Variants in HYAL1 observed in about 807,000 individuals in gnomAD.
HYAL1 encodes the protein hyaluronidase-1.
A neutral mutation model predicts 28.8 loss-of-function variants in HYAL1; 21 were observed. That is an observed-to-expected ratio of 0.73 (90% CI 0.52 to 1.05). The LOEUF (loss-of-function observed/expected upper bound fraction) is 1.05, where lower values mean the gene tolerates loss of function less well. Among genes scored for constraint, HYAL1 ranks in the 50% least tolerant of loss-of-function variants. HYAL1 has a pLI of 0.00. For missense variants in HYAL1, 491 were observed against 579.2 expected, an observed-to-expected ratio of 0.85 and a Z score of 1.56; for synonymous variants, 200 against 230.1, an observed-to-expected ratio of 0.87 and a Z score of 1.18.
upstream of HYAL1, among the ~76,000 whole-genome samples, chr3:50,307,015 A>C (rs1272668466): frequency 6.7e-6 from 1 of 150,326 alleles, no homozygotes; most frequent in Non-Finnish European, 1.5e-5. Flanking sequence ...GGTTGCAGTG[A>C]GCTGAGATTG....
upstream of HYAL1, among the ~76,000 whole-genome samples, chr3:50,306,074 T>C (rs1702329695): frequency 6.6e-6 from 1 of 151,356 alleles, no homozygotes. Flanking sequence ...TTTTGACTAA[T>C]TGCCTATCTG....
Position 50,302,679 on chromosome 3 carries a change from A to C in HYAL1, c.278T>G (p.Phe93Cys). The C allele has an allele frequency of 6.2e-7, 1 of 1,614,090 alleles. No homozygotes were observed. Among genetic ancestry groups the C allele is most frequent in the Non-Finnish European group, 8.5e-7 (1 of 1,180,010 alleles). ...GCTGGCATTCTGGGGCAGACCACCAAACACAGGCTCCCCAGTGGGCGTGTA... is the reference window on the plus strand; with the variant it reads ...GCTGGCATTCTGGGGCAGACCACCACACACAGGCTCCCCAGTGGGCGTGTA... The part of the protein sequence containing the change: ...PYYTPTGEPV[F>C]GGLPQNASLI... The change falls in exon 2 of 4, where the codon TTT (phenylalanine) becomes TGT (cysteine). Residue 93 changes from phenylalanine to cysteine, a missense_variant. Transcript: ENST00000395144. This position sits in a 1 kb window ranked among gnomAD's most constrained non-coding sequence, Gnocchi z 5.0.
At chr3:50,303,328 AG>A (rs1178224316) in intron 1 of HYAL1, 137 bp downstream of exon 1, 12 of 183,678 alleles carry the variant, frequency 6.5e-5, no homozygotes, top group Admixed American at 1.7e-4. Context: ...GACCCGACCA[AG>A]GGGGGGAGGC....
Position 50,302,083 on chromosome 3 carries a change from CAT to C in HYAL1, c.872_873del (p.Tyr291Ter), listed in dbSNP as rs1702183705. 1.2e-6 allele frequency: 2 copies of C among 1,614,204 alleles called. No individual in the cohort carries two copies. The highest frequency in any genetic ancestry group is 8.5e-7 in the Non-Finnish European group (1 of 1,180,046). On this transcript the variant is annotated frameshift_variant, in exon 2 of 4. Transcript: ENST00000395144. LOFTEE classifies it high-confidence loss of function. The surrounding 1 kb of genome is among the most constrained non-coding windows in gnomAD (Gnocchi z 5.0). ...AGGGGCAGAAAGTGGTTTGTCGTGT[CAT>C]AGAAGATCTGGACATAGGGCAGCAC... ...LPVLPYVQIF[Y>X]DTTNHFLPLD...
upstream of HYAL1, among the ~76,000 whole-genome samples, chr3:50,306,669 C>T (rs1192735679): frequency 6.6e-6 from 1 of 150,976 alleles, no homozygotes; most frequent in African/African-American, 2.5e-5. Context: ...GGCGGGTCAC[C>T]TGAGGTCGGG....
upstream of HYAL1, among the ~76,000 whole-genome samples, chr3:50,307,995 C>T (rs1484461379): frequency 4.6e-5 from 7 of 150,806 alleles, no homozygotes; most frequent in Non-Finnish European, 7.4e-5. Flanking sequence ...CAGGGTTTCA[C>T]CATGTTAGCC....
At position 50,300,372 on chromosome 3, in the gene HYAL1, G is replaced by T. The variant is rs1702070370; in HGVS notation, c.*111C>A. On this transcript the variant is annotated 3_prime_UTR_variant, in exon 4 of 4. Transcript: ENST00000395144. ...AATATGCCTGTGACAGTGGCTGAGT[G>T]TACTCTTTACTGTGACCATGACTTG... 4 of 1,072,482 alleles carry T rather than the reference G, an allele frequency of 3.7e-6. No individual in the cohort carries two copies. The highest frequency in any genetic ancestry group is 5.7e-6 in the Non-Finnish European group (4 of 695,796). 66.4% of individuals were successfully genotyped at this position (1,072,482 alleles called of 1,614,324 possible). A position where few individuals can be genotyped will look rare whatever the true frequency, so the allele number is the denominator to read the frequency against.
At chr3:50,309,193 G>A (rs191135242) in intron 2 of HYAL1, among the ~76,000 whole-genome samples, 1 of 151,214 alleles carries the variant, frequency 6.6e-6, no homozygotes, top group East Asian at 1.9e-4. Context: ...GCCTGGCATG[G>A]TGGCTCACTC....
Position 50,302,163 on chromosome 3 carries a change from C to T in HYAL1, c.794G>A (p.Arg265His), listed in dbSNP as rs782525991. The T allele has an allele frequency of 9.9e-6, 16 of 1,614,198 alleles. No individual in the cohort carries two copies. The highest frequency in any genetic ancestry group is 2.2e-5 in the East Asian group (1 of 44,880). ...TGKSQMYVQH[R>H]VAEAFRVAVA... ...AGCCACACGGAATGCCTCGGCCACA[C>T]GGTGTTGCACATACATCTGTGACTT... Residue 265 changes from arginine (R) to histidine (H), a missense_variant, in exon 2 of 4, where the codon CGT (arginine) becomes CAT (histidine). Physicochemically the swap from Arg to His is conservative, Grantham distance 29 (BLOSUM62 0). Transcript: ENST00000395144. This position sits in a 1 kb window ranked among gnomAD's most constrained non-coding sequence, Gnocchi z 5.0.
intron 2 of HYAL1, 77 bp from the exon 3 acceptor site, chr3:50,301,154 A>G (rs1702140944): frequency 2.1e-6 from 2 of 970,014 alleles, no homozygotes; most frequent in East Asian, 2.5e-5. Context: ...ATTAGATGGG[A>G]CAAATAATTC....
chr3:50,308,020 C>T (rs1311616049), upstream of HYAL1, among the ~76,000 whole-genome samples: 1 of 151,150 alleles, frequency 6.6e-6, no homozygotes, highest in Non-Finnish European at 1.5e-5. Context: ...TGGTCTTGAT[C>T]TCCTGACCTC....
Position 50,302,561 on chromosome 3 carries a change from T to C in HYAL1, c.396A>G (p.Ala132=). The stretch of plus-strand genomic sequence containing the variant: ...AGTTGAAGGCCCAGCGTGGGCGCCA[T>C]GCCTCCCAGTCGATGACTGCCAGCC... ...FSGLAVIDWE[A]WRPRWAFNWD... The change falls in exon 2 of 4, where the codon GCA becomes GCG. Residue 132 remains alanine (A), a synonymous_variant. Transcript: ENST00000395144. This position sits in a 1 kb window ranked among gnomAD's most constrained non-coding sequence, Gnocchi z 5.0. 1 of 1,614,166 alleles carries C rather than the reference T, an allele frequency of 6.2e-7. No individual in the cohort carries two copies. The highest frequency in any genetic ancestry group is 2.2e-5 in the East Asian group (1 of 44,878).
chr3:50,302,157 G>T lies in HYAL1; in HGVS notation c.800C>A (p.Ala267Asp). ...KSQMYVQHRV[A>D]EAFRVAVAAG... The stretch of plus-strand genomic sequence containing the variant: ...AGCCACAGCCACACGGAATGCCTCG[G>T]CCACACGGTGTTGCACATACATCTG... The change falls in exon 2 of 4, where the codon GCC (alanine) becomes GAC (aspartate). Residue 267 changes from alanine to aspartate, a missense_variant. Ala to Asp is a moderately radical substitution (Grantham distance 126). Transcript: ENST00000395144. This position sits in a 1 kb window ranked among gnomAD's most constrained non-coding sequence, Gnocchi z 5.0. 6.2e-7 allele frequency: 1 copy of T among 1,614,200 alleles called. No individual in the cohort carries two copies. Among genetic ancestry groups the T allele is most frequent in the Non-Finnish European group, 8.5e-7 (1 of 1,180,030 alleles).
In HYAL1 at chr3:50,300,381, A is replaced by T; in HGVS notation, c.*102T>A. The stretch of plus-strand genomic sequence containing the variant: ...GTGACAGTGGCTGAGTGTACTCTTT[A>T]CTGTGACCATGACTTGTATGACTGT... On this transcript the variant is annotated 3_prime_UTR_variant, in exon 4 of 4. Coordinates refer to ENST00000395144, the MANE Select transcript of HYAL1 (RefSeq NM_033159.4). 1 of 1,180,404 alleles carries T rather than the reference A, an allele frequency of 8.5e-7. No individual in the cohort carries two copies. The highest frequency in any genetic ancestry group is 1.3e-6 in the Non-Finnish European group (1 of 790,728). The allele number at this position is 1,180,404 out of a possible 1,614,324, so 73.1% of individuals were successfully genotyped here.
At chr3:50,300,825 C>T (rs1268579999) in intron 3 of HYAL1, 25 bp from the exon 4 acceptor site, 3 of 1,609,218 alleles carry the variant, frequency 1.9e-6, no homozygotes, top group Non-Finnish European at 2.5e-6. Flanking sequence ...AGGATAGCGT[C>T]AGGGACACCA....
intron 1 of HYAL1, among the ~76,000 whole-genome samples, chr3:50,311,142 G>C (rs1298881575): frequency 2.6e-5 from 4 of 151,692 alleles, no homozygotes; most frequent in African/African-American, 9.7e-5. Context: ...GGTGGTGGCC[G>C]GGCAGAGGGG....
In HYAL1 at chr3:50,300,514, G is replaced by C. The variant is rs142342237; in HGVS notation, c.1277C>G (p.Ala426Gly). The C allele has an allele frequency of 1.0e-3, 1,686 of 1,614,210 alleles. 14 individuals are homozygous for C. The African/African-American group carries it at 0.02, about 19-fold the overall frequency. ...CATGCTCTTCCGCTCACACCACGGT[G>C]CCTGCCAGCCAGGGTAGCATCGACA... ...FKCRCYPGWQ[A>G]PWCERKSMW Residue 426 changes from alanine (A) to glycine (G), a missense_variant, in exon 4 of 4, where the codon GCA (alanine) becomes GGA (glycine). Coordinates refer to ENST00000395144, the MANE Select transcript of HYAL1 (RefSeq NM_033159.4).
intron 3 of HYAL1, 49 bp downstream of exon 3, chr3:50,300,939 T>TGGG: frequency 6.5e-5 from 62 of 959,268 alleles, no homozygotes; most frequent in Non-Finnish European, 9.0e-5. Context: ...GTCAGCTTAA[T>TGGG]GGCCCCACCC....
Position 50,302,964 on chromosome 3 carries a change from G to C in HYAL1, c.-8C>G. On this transcript the variant is annotated 5_prime_UTR_variant, in exon 2 of 4. Coordinates refer to ENST00000395144, the MANE Select transcript of HYAL1 (RefSeq NM_033159.4). The surrounding 1 kb of genome is among the most constrained non-coding windows in gnomAD (Gnocchi z 5.0). ...AAGCAGGTGGGCTGCCATGGCACGG[G>C]ACTGGTCGAGGACAACCTGGCCAGG... The C allele has an allele frequency of 6.4e-7, 1 of 1,552,842 alleles. No individual in the cohort carries two copies. Among genetic ancestry groups the C allele is most frequent in the Non-Finnish European group, 8.7e-7 (1 of 1,147,576 alleles).
Sources: allele counts gnomAD v4.1 joint callset (sites outside exome capture counted in the v4.1 genomes callset), GRCh38; gene constraint gnomAD v4.1.1; non-coding constraint Gnocchi (gnomAD v3.1); transcripts MANE v1.5; gene names NCBI Gene and HGNC (gene_info 2026-07-23, HGNC 2026-07-21).